SEPTIN9: variants seen among roughly 807,000 people sequenced by gnomAD.
SEPTIN9 encodes the protein septin-9.
A neutral mutation model predicts 56.6 loss-of-function variants in SEPTIN9; 13 were observed. That is an observed-to-expected ratio of 0.23 (90% CI 0.15 to 0.37). SEPTIN9 has a LOEUF of 0.37. SEPTIN9 is among the 10% of genes least tolerant of loss of function. SEPTIN9 has a pLI of 1.00. For missense variants in SEPTIN9, 650 were observed against 823.1 expected, an observed-to-expected ratio of 0.79 and a Z score of 2.57; for synonymous variants, 332 against 334.1, an observed-to-expected ratio of 0.99 and a Z score of 0.07.
Position 77,488,266 on chromosome 17 carries a change from A to C in SEPTIN9, c.1069A>C (p.Lys357Gln). The C allele has an allele frequency of 6.2e-7, 1 of 1,613,796 alleles. No individual in the cohort carries two copies. Among genetic ancestry groups the C allele is most frequent in the Non-Finnish European group, 8.5e-7 (1 of 1,179,852 alleles). ...HDIEEKGVRM[K>Q]LTVIDTPGFG... is the part of the protein sequence containing the mutation. Reference sequence around the variant, plus strand: ...TATTGAGGAGAAAGGCGTCCGGATGAAGCTGACAGTGATTGACACACCAGG... The same window carrying C: ...TATTGAGGAGAAAGGCGTCCGGATGCAGCTGACAGTGATTGACACACCAGG... The change falls in exon 6 of 12, where the codon AAG becomes CAG. Residue 357 changes from lysine (K) to glutamine (Q), a missense_variant. Lys to Gln is a moderately conservative substitution (Grantham distance 53, BLOSUM62 1). Around this residue, in one of 2 missense-constraint regions of SEPTIN9, gnomAD observed 333 missense variants for 494.0 expected, o/e 0.67. Coordinates refer to ENST00000427177, the MANE Select transcript of SEPTIN9 (RefSeq NM_001113491.2).
Position 77,369,359 on chromosome 17 carries a change from C to T in SEPTIN9, c.77-32700C>T, listed in dbSNP as rs1319182588. 8.5e-5 allele frequency among the ~76,000 whole-genome samples: 13 copies of T among 152,122 alleles called. No homozygotes were observed. The highest frequency in any genetic ancestry group is 3.9e-4 in the East Asian group (2 of 5,194). On this transcript the variant is annotated intron_variant, in intron 2 of 11. Transcript: ENST00000427177. The surrounding 1 kb of genome is among the most constrained non-coding windows in gnomAD (Gnocchi z 4.9). ...TGGCCCCAGGTGGCCGGTTGTTGACCGTTAACTGGCACACTACTGGAGGAG... is the reference window on the plus strand; with the variant it reads ...TGGCCCCAGGTGGCCGGTTGTTGACTGTTAACTGGCACACTACTGGAGGAG...
At chr17:77,493,680 T>C (rs1230879068) in intron 10 of SEPTIN9, among the ~76,000 whole-genome samples, 1 of 151,940 alleles carries the variant, frequency 6.6e-6, no homozygotes, top group Non-Finnish European at 1.5e-5. Flanking sequence ...TTCCTAGTTG[T>C]ATTGTAAAGG....
At chr17:77,497,868 C>T (rs541745021) in intron 11 of SEPTIN9, among the ~76,000 whole-genome samples, 2 of 150,890 alleles carry the variant, frequency 1.3e-5, no homozygotes, top group Non-Finnish European at 3.0e-5. Flanking sequence ...CAGGTTCTTC[C>T]TCAGCAAGCA....
intron 1 of SEPTIN9, among the ~76,000 whole-genome samples, chr17:77,283,435 G>T (rs891796257): frequency 6.6e-6 from 1 of 152,080 alleles, no homozygotes. Context: ...GTGGCCTCTT[G>T]CCCTCATTCT....
chr17:77,442,206 T>A (rs953547748), intron 3 of SEPTIN9: 2 of 152,162 alleles, frequency 1.3e-5, no homozygotes, highest in Non-Finnish European at 2.9e-5. Context: ...CCACTTGTTT[T>A]GTTTTTTTTG....
intron 2 of SEPTIN9, among the ~76,000 whole-genome samples, chr17:77,335,187 C>G (rs553808512): frequency 3.6e-4 from 54 of 151,358 alleles, no homozygotes; most frequent in African/African-American, 1.2e-3. Context: ...AGTATATGTA[C>G]ATTTATACAT....
chr17:77,492,776 G>T lies in SEPTIN9; in HGVS notation c.1476+60G>T, dbSNP rs559451907. 6.7e-7 allele frequency: 1 copy of T among 1,503,572 alleles called. No homozygotes were observed. The highest frequency in any genetic ancestry group is 9.3e-7 in the Non-Finnish European group (1 of 1,079,434). 93.1% of individuals were successfully genotyped at this position (1,503,572 alleles called of 1,614,324 possible). A position where few individuals can be genotyped will look rare whatever the true frequency, so the allele number is the denominator to read the frequency against. ...ACCCCCAGTTCCTGCTGAAGGGTGG[G>T]TTGGGGGTTTGGAGGACCTTAAGCC... is the stretch of plus-strand genomic sequence containing the variant. On this transcript the variant is annotated intron_variant, in intron 9 of 11. Transcript: ENST00000427177. This position sits in a 1 kb window ranked among gnomAD's most constrained non-coding sequence, Gnocchi z 5.4.
intron 1 of SEPTIN9, among the ~76,000 whole-genome samples, chr17:77,284,271 C>T (rs1208899290): frequency 6.6e-6 from 1 of 152,202 alleles, no homozygotes; most frequent in African/African-American, 2.4e-5. Context: ...ACACGGCACT[C>T]CAGCCTGGGT....
chr17:77,353,167 G>A (rs759775306), intron 2 of SEPTIN9, among the ~76,000 whole-genome samples: 1 of 152,238 alleles, frequency 6.6e-6, no homozygotes, highest in Middle Eastern at 3.4e-3. Flanking sequence ...CAGGGTGTGC[G>A]CAGGTGGGTG....
chr17:77,316,717 T>TC (rs974151724), intron 2 of SEPTIN9, among the ~76,000 whole-genome samples: 15 of 140,072 alleles, frequency 1.1e-4, no homozygotes, highest in African/African-American at 3.1e-4. Context: ...TTTTTTTTTT[T>TC]TTAATTTGAG....
intron 1 of SEPTIN9, among the ~76,000 whole-genome samples, chr17:77,303,331 C>T (rs1430878982): frequency 1.3e-5 from 2 of 151,096 alleles, no homozygotes; most frequent in South Asian, 2.1e-4. Context: ...GAACTGACCT[C>T]GGGTGACTGG....
At position 77,382,988 on chromosome 17, in the gene SEPTIN9, T is replaced by A. The variant is rs536122636; in HGVS notation, c.77-19071T>A. Among the ~76,000 whole-genome samples, 7 of 152,108 alleles carry A rather than the reference T, an allele frequency of 4.6e-5. No individual in the cohort carries two copies. The South Asian group carries it at 1.5e-3, about 32-fold the overall frequency. On this transcript the variant is annotated intron_variant, in intron 2 of 11. Transcript: ENST00000427177. Reference sequence around the variant, plus strand: ...ACGGAGACCCTGGTGAGGGAGGAACTCTTTCTCCAGCCCTGGCTGTGGCCA... The same window carrying A: ...ACGGAGACCCTGGTGAGGGAGGAACACTTTCTCCAGCCCTGGCTGTGGCCA...
chr17:77,475,193 ACCCTGT>A lies in SEPTIN9; in HGVS notation c.722-6950_722-6945del. 3 of 1,200,494 alleles carry A rather than the reference ACCCTGT, an allele frequency of 2.5e-6. No homozygotes were observed. Among genetic ancestry groups the A allele is most frequent in the Admixed American group, 4.1e-5 (1 of 24,186 alleles). 74.4% of individuals were successfully genotyped at this position (1,200,494 alleles called of 1,614,324 possible). A position where few individuals can be genotyped will look rare whatever the true frequency, so the allele number is the denominator to read the frequency against. On this transcript the variant is annotated intron_variant, in intron 3 of 11. Transcript: ENST00000427177. This position sits in a 1 kb window ranked among gnomAD's most constrained non-coding sequence, Gnocchi z 4.6. The stretch of plus-strand genomic sequence containing the variant: ...ATGGATGAGGTGTCTGGCTTCACAA[ACCCTGT>A]GTGGGGGGGTTGTGGTGAGAGGAAA...
chr17:77,466,110 G>A (rs1396076561), intron 3 of SEPTIN9, among the ~76,000 whole-genome samples: 6 of 139,634 alleles, frequency 4.3e-5, no homozygotes, highest in South Asian at 2.3e-4. Flanking sequence ...ACACACACGA[G>A]TAAACTGTAA....
At position 77,334,591 on chromosome 17, in the gene SEPTIN9, C is replaced by T. The variant is rs149502512; in HGVS notation, c.76+27394C>T. Among the ~76,000 whole-genome samples, 707 of 151,744 alleles carry T rather than the reference C, an allele frequency of 4.7e-3. 10 individuals are homozygous for T. The highest frequency in any genetic ancestry group is 3.3e-3 in the Non-Finnish European group (226 of 67,928). ...CAAGAGTATTTTGTTTTCATAAAGT[C>T]CAATTTATCAACTTTTTCCAGTTTC... On this transcript the variant is annotated intron_variant, in intron 2 of 11. Coordinates refer to ENST00000427177, the MANE Select transcript of SEPTIN9 (RefSeq NM_001113491.2).
At chr17:77,481,011 C>T (rs1015111234) in intron 3 of SEPTIN9, among the ~76,000 whole-genome samples, 1 of 152,220 alleles carries the variant, frequency 6.6e-6, no homozygotes, top group African/African-American at 2.4e-5. Flanking sequence ...CCTGCATGCG[C>T]ATGCACCAGT....
rs370130822 is a variant in SEPTIN9 at position 77,328,171 on chromosome 17, T to C, written c.76+20974T>C. Among the ~76,000 whole-genome samples, 95 of 152,110 alleles carry C rather than the reference T, an allele frequency of 6.2e-4. 1 individual carries two copies. The South Asian group carries it at 0.014, about 22-fold the overall frequency. Reference sequence around the variant, plus strand: ...CCAGGGTGTCCCCGTGCCCAGTGTGTCCCTGTATCCAGGGCGTCCCCATGC... The same window carrying C: ...CCAGGGTGTCCCCGTGCCCAGTGTGCCCCTGTATCCAGGGCGTCCCCATGC... On this transcript the variant is annotated intron_variant, in intron 2 of 11. Coordinates refer to ENST00000427177, the MANE Select transcript of SEPTIN9 (RefSeq NM_001113491.2).
chr17:77,458,524 C>A (rs1221691729), intron 3 of SEPTIN9, among the ~76,000 whole-genome samples: 1 of 152,216 alleles, frequency 6.6e-6, no homozygotes, highest in Non-Finnish European at 1.5e-5. Context: ...TGCCATTCCT[C>A]CTCTCCTAGA....
intron 3 of SEPTIN9, among the ~76,000 whole-genome samples, chr17:77,478,847 C>T (rs1206530105): frequency 6.6e-6 from 1 of 151,534 alleles, no homozygotes; most frequent in South Asian, 2.1e-4. Flanking sequence ...GAATTTGACT[C>T]AGCCGTAAAG....
Sources: allele counts gnomAD v4.1 joint callset (sites outside exome capture counted in the v4.1 genomes callset), GRCh38; gene constraint gnomAD v4.1.1; regional missense constraint gnomAD v4.1.1; non-coding constraint Gnocchi (gnomAD v3.1); transcripts MANE v1.5; gene names NCBI Gene and HGNC (gene_info 2026-07-23, HGNC 2026-07-21).